CACNA2D3: variants seen among roughly 807,000 people sequenced by gnomAD.
CACNA2D3 encodes the protein voltage-dependent calcium channel subunit alpha-2/delta-3.
CACNA2D3 carries 60 observed loss-of-function variants against 160.6 expected under a neutral mutation model. That is an observed-to-expected ratio of 0.37 (90% CI 0.30 to 0.46). The LOEUF is 0.46. CACNA2D3 is among the 20% of genes least tolerant of loss of function. The pLI is 1.00. For missense variants in CACNA2D3, 1,205 were observed against 1,365.0 expected (o/e 0.88, Z 1.85); for synonymous variants, 558 against 492.9 (o/e 1.13, Z -1.75).
chr3:54,853,008 G>T (rs141046400), intron 17 of CACNA2D3, among the ~76,000 whole-genome samples: 9 of 151,948 alleles, frequency 5.9e-5, no homozygotes, highest in African/African-American at 1.4e-4. Context: ...AGGTCCTTTC[G>T]TCCGTTCCTC....
At chr3:54,959,700 G>A (rs1013554138) in intron 27 of CACNA2D3, among the ~76,000 whole-genome samples, 3 of 152,106 alleles carry the variant, frequency 2.0e-5, no homozygotes, top group African/African-American at 7.2e-5. Context: ...AATGAAGCCC[G>A]AGGCTTAAAT....
intron 13 of CACNA2D3, among the ~76,000 whole-genome samples, chr3:54,787,555 G>C (rs1702665248): frequency 5.9e-5 from 9 of 152,104 alleles, no homozygotes; most frequent in Admixed American, 5.2e-4. Flanking sequence ...ATATGCACAT[G>C]GGGGGCCACA....
intron 2 of CACNA2D3, among the ~76,000 whole-genome samples, chr3:54,253,162 G>A (rs1702229097): frequency 6.8e-6 from 1 of 146,032 alleles, no homozygotes; most frequent in Non-Finnish European, 1.5e-5. Context: ...TAATGACACT[G>A]TATTTTTAAT....
intron 11 of CACNA2D3, among the ~76,000 whole-genome samples, chr3:54,694,819 G>C (rs1359852245): frequency 6.6e-6 from 1 of 151,896 alleles, no homozygotes; most frequent in Non-Finnish European, 1.5e-5. Context: ...TTTTTATTCT[G>C]AGAAATAATA....
intron 35 of CACNA2D3, among the ~76,000 whole-genome samples, chr3:55,027,756 A>T (rs185507843): frequency 6.6e-6 from 1 of 152,200 alleles, no homozygotes; most frequent in Non-Finnish European, 1.5e-5. Flanking sequence ...ACGCAGTAAG[A>T]TCTTTTTCAT....
chr3:54,610,177 A>T (rs961161373), intron 9 of CACNA2D3, among the ~76,000 whole-genome samples: 6 of 152,092 alleles, frequency 3.9e-5, no homozygotes, highest in African/African-American at 1.4e-4. Context: ...ATATTAACTT[A>T]ATTAATTACG....
intron 9 of CACNA2D3, among the ~76,000 whole-genome samples, chr3:54,610,054 A>G (rs558300425): frequency 6.6e-6 from 1 of 152,112 alleles, no homozygotes; most frequent in Non-Finnish European, 1.5e-5. Context: ...CTTCCTTGGC[A>G]TCTAGATGCA....
At chr3:54,590,870 C>T (rs1032563308) in intron 9 of CACNA2D3, among the ~76,000 whole-genome samples, 20 of 152,168 alleles carry the variant, frequency 1.3e-4, no homozygotes, top group East Asian at 5.8e-4. Flanking sequence ...TTAGTGTGAA[C>T]GGTTGTATAA....
intron 2 of CACNA2D3, among the ~76,000 whole-genome samples, chr3:54,145,288 T>C (rs1356955247): frequency 5.9e-5 from 9 of 152,194 alleles, no homozygotes; most frequent in Admixed American, 5.2e-4. Context: ...ATGGAGATAT[T>C]TGCAGATGCG....
chr3:54,703,723 A>C (rs1327096868), intron 11 of CACNA2D3, among the ~76,000 whole-genome samples: 1 of 152,232 alleles, frequency 6.6e-6, no homozygotes, highest in Non-Finnish European at 1.5e-5. Context: ...ATACCTTCAC[A>C]CTGATGTTGT....
At chr3:54,643,842 T>TAA (rs1157060078) in intron 11 of CACNA2D3, among the ~76,000 whole-genome samples, 3 of 152,080 alleles carry the variant, frequency 2.0e-5, no homozygotes, top group African/African-American at 7.2e-5. Flanking sequence ...CCAGTATAAG[T>TAA]AAACATGAGT....
intron 31 of CACNA2D3, among the ~76,000 whole-genome samples, chr3:54,996,040 T>C (rs970284669): frequency 6.6e-6 from 1 of 152,222 alleles, no homozygotes; most frequent in African/African-American, 2.4e-5. Flanking sequence ...ATAACACCTG[T>C]TGGGTTTTAT....
intron 32 of CACNA2D3, among the ~76,000 whole-genome samples, chr3:55,007,500 A>T (rs1703123379): frequency 6.6e-6 from 1 of 152,218 alleles, no homozygotes; most frequent in African/African-American, 2.4e-5. Flanking sequence ...GTAAAGGTTT[A>T]AGCATCGGGT....
At chr3:54,493,872 C>A (rs1433026748) in intron 4 of CACNA2D3, among the ~76,000 whole-genome samples, 1 of 152,204 alleles carries the variant, frequency 6.6e-6, no homozygotes, top group Non-Finnish European at 1.5e-5. Context: ...AGGTGAAGAG[C>A]TGCAACAAAG....
At chr3:54,350,732 T>C (rs1698537575) in intron 3 of CACNA2D3, among the ~76,000 whole-genome samples, 1 of 152,216 alleles carries the variant, frequency 6.6e-6, no homozygotes, top group Non-Finnish European at 1.5e-5. Flanking sequence ...TTCGAGATAC[T>C]CGAAGCATCA....
intron 4 of CACNA2D3, among the ~76,000 whole-genome samples, chr3:54,434,133 AGTACTGTCAGT>A (rs1223264863): frequency 6.6e-6 from 1 of 152,190 alleles, no homozygotes; most frequent in Non-Finnish European, 1.5e-5. Flanking sequence ...CCCCTGTCAG[AGTACTGTCAGT>A]GGGGGCCACT....
chr3:54,592,013 G>T (rs1186667288), intron 9 of CACNA2D3, among the ~76,000 whole-genome samples: 1 of 152,086 alleles, frequency 6.6e-6, no homozygotes, highest in Non-Finnish European at 1.5e-5. Context: ...TGTTTTCCTG[G>T]TGGCCACTGC....
At chr3:54,577,691 G>T (rs143862211) in intron 8 of CACNA2D3, among the ~76,000 whole-genome samples, 1 of 151,894 alleles carries the variant, frequency 6.6e-6, no homozygotes, top group African/African-American at 2.4e-5. Flanking sequence ...TCATTCTTAC[G>T]TGCCAGGTTC....
In CACNA2D3 at chr3:54,430,698, T is replaced by G. The variant is rs185644838; in HGVS notation, c.381+43924T>G. 5.3e-5 allele frequency among the ~76,000 whole-genome samples: 8 copies of G among 152,316 alleles called. No homozygotes were observed. In the East Asian group the frequency reaches 1.5e-3, roughly 29 times the overall value. On this transcript the variant is annotated intron_variant, in intron 4 of 37. Coordinates refer to ENST00000474759, the MANE Select transcript of CACNA2D3 (RefSeq NM_018398.3). Reference sequence around the variant, plus strand: ...TCCAGACCTGCAATGACTTTGACTTTTAGACTACAGTTAATGCCTTAAATA... The same window carrying G: ...TCCAGACCTGCAATGACTTTGACTTGTAGACTACAGTTAATGCCTTAAATA...
Sources: gnomAD v4.1 joint callset for allele counts (sites outside exome capture counted in the v4.1 genomes callset) on GRCh38, gnomAD v4.1.1 for gene constraint, MANE v1.5 for transcripts, NCBI Gene and HGNC (gene_info 2026-07-23, HGNC 2026-07-21) for gene names.